BRDT: variants seen among roughly 807,000 people sequenced by gnomAD.
The protein encoded by BRDT is bromodomain testis associated.
A neutral mutation model predicts 113.9 loss-of-function variants in BRDT; 77 were observed. The ratio of observed to expected loss-of-function variants is 0.68; its 90% CI spans 0.56 to 0.82. BRDT has a LOEUF of 0.82. Among genes scored for constraint, BRDT ranks in the 40% least tolerant of loss-of-function variants. The probability of loss-of-function intolerance (pLI) is 0.00; values close to 1 mark genes in which losing one functional copy is unlikely to be tolerated. For synonymous variants in BRDT, 358 were observed against 366.5 expected (o/e 0.98, Z 0.26); for missense variants, 1,027 against 1,105.4 (o/e 0.93, Z 1.01).
rs951649559 is a variant in BRDT, at chr1:92,005,041, A to T, written c.2595-78A>T. On this transcript the variant is annotated intron_variant, in intron 17 of 18. Coordinates refer to ENST00000399546, the MANE Select transcript of BRDT (RefSeq NM_207189.4). The stretch of plus-strand genomic sequence containing the variant: ...TGGTTGTCTTAATATATGGCTTTAT[A>T]TTTGTCATTTAATAACATTTTTGTA... 25 of 1,149,462 alleles carry T rather than the reference A, an allele frequency of 2.2e-5. No individual in the cohort carries two copies. In the Admixed American group the frequency reaches 7.5e-4, roughly 35 times the overall value. The allele number at this position is 1,149,462 out of a possible 1,614,324, so 71.2% of individuals were successfully genotyped here. A position where few individuals can be genotyped will look rare whatever the true frequency, so the allele number is the denominator to read the frequency against.
chr1:91,952,773 T>G, intron 1 of BRDT, among the ~76,000 whole-genome samples: 1 of 38,782 alleles, frequency 2.6e-5, no homozygotes, highest in Admixed American at 4.5e-4. Context: ...GTGAGACCCA[T>G]CTCCAAAAAA....
chr1:91,956,862 C>T (rs1197192145), intron 1 of BRDT, among the ~76,000 whole-genome samples: 1 of 152,058 alleles, frequency 6.6e-6, no homozygotes, highest in Non-Finnish European at 1.5e-5. Flanking sequence ...TTGCTTGCGC[C>T]CAGGAGTTCA....
rs1682648120 is a variant in BRDT at position 91,962,965 on chromosome 1, A to G, written c.192+19A>G. ...GTTGCCTGTATGTATGTCTTCAACT[A>G]TGTTAGTTTCAAAAAAAGAAAACTC... is the stretch of plus-strand genomic sequence containing the variant. On this transcript the variant is annotated intron_variant, in intron 2 of 18. Coordinates refer to ENST00000399546, the MANE Select transcript of BRDT (RefSeq NM_207189.4). 1 of 1,493,290 alleles carries G rather than the reference A, an allele frequency of 6.7e-7. No homozygotes were observed. The highest frequency in any genetic ancestry group is 8.9e-7 in the Non-Finnish European group (1 of 1,118,232). 92.5% of individuals were successfully genotyped at this position (1,493,290 alleles called of 1,614,324 possible).
At position 91,981,271 on chromosome 1, in the gene BRDT, A is replaced by G; in HGVS notation, c.1754A>G (p.Lys585Arg). Residue 585 changes from lysine to arginine, a missense_variant, in exon 11 of 19, where the codon AAG becomes AGG. Lys to Arg is a conservative substitution (Grantham distance 26, BLOSUM62 2). Coordinates refer to ENST00000399546, the MANE Select transcript of BRDT (RefSeq NM_207189.4). ...TCTTCCCTCCTAAATCACACAGCTA[A>G]GAAAATAATGATGTCCAAAGAAGAA... ...LRKRPLKPPA[K>R]KIMMSKEELH... The G allele has an allele frequency of 6.2e-7, 1 of 1,613,948 alleles. No homozygotes were observed. The highest frequency in any genetic ancestry group is 8.5e-7 in the Non-Finnish European group (1 of 1,179,918).
intron 7 of BRDT, 102 bp downstream of exon 7, chr1:91,978,398 C>T (rs2101658034): frequency 7.5e-7 from 1 of 1,334,998 alleles, no homozygotes; most frequent in East Asian, 2.4e-5. Flanking sequence ...ACTCCTACAC[C>T]TCTAAGTATT....
chr1:91,995,394 C>A (rs997085348), intron 15 of BRDT, among the ~76,000 whole-genome samples: 1 of 147,022 alleles, frequency 6.8e-6, no homozygotes, highest in Non-Finnish European at 1.5e-5. Context: ...TTAAAATCTC[C>A]CTACTATTCT....
chr1:91,972,837 G>A (rs941497286), intron 4 of BRDT, among the ~76,000 whole-genome samples: 2 of 152,126 alleles, frequency 1.3e-5, no homozygotes, highest in African/African-American at 4.8e-5. Flanking sequence ...CAGACATTGA[G>A]GAATATCAGC....
chr1:91,998,433 C>T (rs12402318), intron 15 of BRDT, among the ~76,000 whole-genome samples: 29,139 of 152,020 alleles, frequency 0.19, 3,466 homozygotes, highest in Middle Eastern at 0.26. Context: ...TACAGCAAAC[C>T]ACTATGGCAC....
intron 15 of BRDT, among the ~76,000 whole-genome samples, chr1:91,994,960 T>G (rs1483440764): frequency 6.6e-6 from 1 of 151,936 alleles, no homozygotes; most frequent in Non-Finnish European, 1.5e-5. Flanking sequence ...TAAAATAGTT[T>G]ACAGTTAAGG....
chr1:91,963,895 A>G (rs1246415135), intron 2 of BRDT, among the ~76,000 whole-genome samples: 1 of 145,498 alleles, frequency 6.9e-6, no homozygotes, highest in Non-Finnish European at 1.5e-5. Context: ...TTTTTTTGAG[A>G]CAGTCTCACT....
intron 11 of BRDT, 53 bp from the exon 12 acceptor site, chr1:91,981,565 T>C: frequency 6.3e-7 from 1 of 1,599,876 alleles, no homozygotes; most frequent in East Asian, 2.2e-5. Context: ...TTTTAAATGT[T>C]CCTGCAACTA....
chr1:92,000,881 G>T (rs1686773952), intron 15 of BRDT, among the ~76,000 whole-genome samples: 2 of 152,120 alleles, frequency 1.3e-5, no homozygotes, highest in Admixed American at 6.5e-5. Flanking sequence ...TTTTAGTCAT[G>T]GCTTGATAAG....
At chr1:91,950,510 C>T (rs1460807710) in intron 1 of BRDT, 1 of 152,080 alleles carries the variant, frequency 6.6e-6, no homozygotes, top group South Asian at 2.1e-4. Flanking sequence ...AGGGAAAGGC[C>T]TGGGTGGATG....
intron 18 of BRDT, among the ~76,000 whole-genome samples, chr1:92,009,797 C>T (rs1687645606): frequency 6.6e-6 from 1 of 151,968 alleles, no homozygotes; most frequent in African/African-American, 2.4e-5. Context: ...TCTCGAACTC[C>T]TGAGCTCAAG....
At chr1:91,971,611 A>G (rs1683633530) in intron 4 of BRDT, among the ~76,000 whole-genome samples, 1 of 152,260 alleles carries the variant, frequency 6.6e-6, no homozygotes, top group South Asian at 2.1e-4. Context: ...TATGTACCAC[A>G]ACACTGTTCT....
chr1:91,981,556 T>C lies in BRDT; in HGVS notation c.1865-62T>C, dbSNP rs1022500514. The C allele has an allele frequency of 6.6e-5, 106 of 1,594,134 alleles. No homozygotes were observed. In the African/African-American group the frequency reaches 7.9e-4, roughly 12 times the overall value. On this transcript the variant is annotated intron_variant, in intron 11 of 18. Coordinates refer to ENST00000399546, the MANE Select transcript of BRDT (RefSeq NM_207189.4). Reference sequence around the variant, plus strand: ...ACCATGCCCAGCCTAGGTGGCAGTTTTTAAATGTTCCTGCAACTATTTAAT... The same window carrying C: ...ACCATGCCCAGCCTAGGTGGCAGTTCTTAAATGTTCCTGCAACTATTTAAT...
At chr1:91,955,015 A>G (rs1171454614) in intron 1 of BRDT, among the ~76,000 whole-genome samples, 4 of 152,132 alleles carry the variant, frequency 2.6e-5, no homozygotes, top group African/African-American at 7.2e-5. Context: ...TGCAGATTAT[A>G]GTTGCCAGTA....
At chr1:91,965,779 G>A (rs1298058566) in intron 3 of BRDT, among the ~76,000 whole-genome samples, 3 of 152,148 alleles carry the variant, frequency 2.0e-5, no homozygotes, top group African/African-American at 7.2e-5. Context: ...CCCAGGAGGT[G>A]GAGGTTGCAG....
intron 1 of BRDT, among the ~76,000 whole-genome samples, chr1:91,952,749 G>A (rs1469744963): frequency 1.5e-5 from 2 of 133,058 alleles, no homozygotes; most frequent in South Asian, 5.1e-4. Flanking sequence ...TTCAAGACCA[G>A]CCTGGGTAAC....
Sources: allele counts gnomAD v4.1 joint callset (sites outside exome capture counted in the v4.1 genomes callset), GRCh38; gene constraint gnomAD v4.1.1; transcripts MANE v1.5; gene names NCBI Gene and HGNC (gene_info 2026-07-23, HGNC 2026-07-21).